Variants in SLC24A2 observed in about 807,000 individuals in gnomAD.
SLC24A2 encodes the protein solute carrier family 24 member 2.
SLC24A2 carries 36 observed loss-of-function variants against 62.0 expected under a neutral mutation model. That is an observed-to-expected ratio of 0.58 (90% CI 0.44 to 0.77). The LOEUF (loss-of-function observed/expected upper bound fraction) is 0.77, where lower values mean the gene tolerates loss of function less well. Among genes scored for constraint, SLC24A2 ranks in the 30% least tolerant of loss-of-function variants. The pLI, the probability that SLC24A2 is intolerant of heterozygous loss-of-function variation, is 0.00. For missense variants in SLC24A2, 846 were observed against 817.9 expected (o/e 1.03, Z -0.42); for synonymous variants, 358 against 294.0 (o/e 1.22, Z -2.23).
the SLC24A2 span, among the ~76,000 whole-genome samples, chr9:20,154,461 T>C: frequency 1.6e-4 from 24 of 151,822 alleles, no homozygotes; most frequent in Non-Finnish European, 3.2e-4. Flanking sequence ...TTTCACTAGA[T>C]GCGAAAGAAA....
At chr9:19,554,634 C>G (rs1834993527) in intron 7 of SLC24A2, among the ~76,000 whole-genome samples, 1 of 152,178 alleles carries the variant, frequency 6.6e-6, no homozygotes, top group African/African-American at 2.4e-5. Context: ...TAAGTTCTGG[C>G]CAAAGGATGT....
intron 5 of SLC24A2, among the ~76,000 whole-genome samples, 170 bp downstream of exon 5, chr9:19,597,059 A>G (rs1296953811): frequency 6.6e-6 from 1 of 152,190 alleles, no homozygotes; most frequent in Non-Finnish European, 1.5e-5. Context: ...CACGTCTCCA[A>G]TTCCAAATAA....
At chr9:19,707,083 G>T (rs1257990631) in intron 2 of SLC24A2, among the ~76,000 whole-genome samples, 1 of 151,704 alleles carries the variant, frequency 6.6e-6, no homozygotes, top group Non-Finnish European at 1.5e-5. Context: ...TATCACCACC[G>T]ATCCCACAGA....
At chr9:19,914,262 G>A in the SLC24A2 span, among the ~76,000 whole-genome samples, 24 of 152,010 alleles carry the variant, frequency 1.6e-4, no homozygotes, top group African/African-American at 5.8e-4. Flanking sequence ...TCCCTACACA[G>A]CTCATCCTCC....
intron 2 of SLC24A2, among the ~76,000 whole-genome samples, chr9:19,653,003 G>C (rs78850884): frequency 0.013 from 1,995 of 152,126 alleles, 40 homozygotes; most frequent in African/African-American, 0.045. Flanking sequence ...TTCCCATAGG[G>C]CATCTTACTT....
At chr9:19,594,319 A>G (rs936013332) in intron 5 of SLC24A2, among the ~76,000 whole-genome samples, 3 of 152,244 alleles carry the variant, frequency 2.0e-5, no homozygotes, top group African/African-American at 7.2e-5. Context: ...AGCACCCAGC[A>G]GAATAATTTG....
the SLC24A2 span, among the ~76,000 whole-genome samples, chr9:19,795,536 A>T: frequency 1.3e-5 from 2 of 152,328 alleles, no homozygotes; most frequent in South Asian, 4.2e-4. Flanking sequence ...TCTAGAAAGA[A>T]CCATATTCAA....
chr9:19,720,429 T>C (rs1043810202), intron 2 of SLC24A2, among the ~76,000 whole-genome samples: 1 of 152,112 alleles, frequency 6.6e-6, no homozygotes, highest in African/African-American at 2.4e-5. Context: ...ACACAAACTG[T>C]TCAACAATGG....
chr9:19,653,589 T>C (rs948078946), intron 2 of SLC24A2, among the ~76,000 whole-genome samples: 2 of 152,250 alleles, frequency 1.3e-5, no homozygotes, highest in African/African-American at 4.8e-5. Flanking sequence ...CAAATGGCTA[T>C]GCTGACAAGC....
chr9:20,187,542 T>A, the SLC24A2 span, among the ~76,000 whole-genome samples: 1 of 152,178 alleles, frequency 6.6e-6, no homozygotes, highest in African/African-American at 2.4e-5. Context: ...CATGCTTCAA[T>A]TCTTGCAGTT....
At chr9:19,950,655 G>C in the SLC24A2 span, among the ~76,000 whole-genome samples, 10 of 152,158 alleles carry the variant, frequency 6.6e-5, no homozygotes, top group Admixed American at 2.0e-4. Flanking sequence ...TACTTGGGAT[G>C]TATCAGTAAA....
At chr9:19,655,662 A>C (rs1818923461) in intron 2 of SLC24A2, among the ~76,000 whole-genome samples, 1 of 152,166 alleles carries the variant, frequency 6.6e-6, no homozygotes, top group Admixed American at 6.5e-5. Flanking sequence ...AATTTTATTC[A>C]CTACAGATTT....
chr9:20,197,403 G>GGATGAT, the SLC24A2 span, among the ~76,000 whole-genome samples: 9 of 150,454 alleles, frequency 6.0e-5, no homozygotes, highest in Non-Finnish European at 1.2e-4. Context: ...CTGCTAATTG[G>GGATGAT]GATGATGTAT....
chr9:20,079,554 G>A, the SLC24A2 span, among the ~76,000 whole-genome samples: 24 of 152,214 alleles, frequency 1.6e-4, no homozygotes, highest in South Asian at 8.3e-4. Context: ...CTCCTCCCTG[G>A]AACAGGACAT....
the SLC24A2 span, among the ~76,000 whole-genome samples, chr9:20,280,422 G>T: frequency 2.0e-5 from 3 of 152,164 alleles, no homozygotes. Flanking sequence ...GGCGCCATGA[G>T]CTATTAGCAG....
intron 2 of SLC24A2, among the ~76,000 whole-genome samples, chr9:19,746,157 T>C (rs1454970504): frequency 1.3e-5 from 2 of 152,042 alleles, no homozygotes; most frequent in African/African-American, 2.4e-5. Flanking sequence ...TGCAATCCTC[T>C]TTCAATTACA....
chr9:19,582,253 C>A (rs1479346380), intron 5 of SLC24A2, among the ~76,000 whole-genome samples: 1 of 152,136 alleles, frequency 6.6e-6, no homozygotes, highest in African/African-American at 2.4e-5. Flanking sequence ...GGAAAAACAA[C>A]GTTTGGAGGG....
chr9:19,556,732 C>CTT (rs903417187), intron 7 of SLC24A2, among the ~76,000 whole-genome samples: 1 of 152,158 alleles, frequency 6.6e-6, no homozygotes, highest in African/African-American at 2.4e-5. Flanking sequence ...AATGTCAGCA[C>CTT]TTACGTATTT....
At chr9:19,724,131 G>A (rs1379031805) in intron 2 of SLC24A2, among the ~76,000 whole-genome samples, 1 of 152,084 alleles carries the variant, frequency 6.6e-6, no homozygotes, top group African/African-American at 2.4e-5. Flanking sequence ...TGTTCCACCT[G>A]GGACAGAATG....
Sources: gnomAD v4.1 joint callset for allele counts (sites outside exome capture counted in the v4.1 genomes callset) on GRCh38, gnomAD v4.1.1 for gene constraint, MANE v1.5 for transcripts, NCBI Gene and HGNC (gene_info 2026-07-23, HGNC 2026-07-21) for gene names.